The following RAD51B variants were observed in gnomAD, a reference collection of about 807,000 sequenced individuals.
RAD51B encodes the protein RAD51 paralog B, also known as DNA repair protein RAD51 homolog 2.
In RAD51B, 38 loss-of-function variants were observed where a neutral mutation model predicts 42.2. That is an observed-to-expected ratio of 0.90 (90% CI 0.70 to 1.18). The LOEUF (loss-of-function observed/expected upper bound fraction) is 1.18, where lower values mean the gene tolerates loss of function less well. Among genes scored for constraint, RAD51B ranks in the 50% most tolerant of loss-of-function variants. RAD51B has a pLI of 0.00. For synonymous variants in RAD51B, 154 were observed against 145.2 expected, an observed-to-expected ratio of 1.06 and a Z score of -0.43; for missense variants, 373 against 400.7, an observed-to-expected ratio of 0.93 and a Z score of 0.59.
chr14:67,836,632 T>C (rs1160627565), intron 4 of RAD51B, among the ~76,000 whole-genome samples: 1 of 151,932 alleles, frequency 6.6e-6, no homozygotes, highest in African/African-American at 2.4e-5. Context: ...CCTGGCTAAT[T>C]TTTTGTATTT....
chr14:67,932,428 G>C (rs1184321116), intron 7 of RAD51B, among the ~76,000 whole-genome samples: 1 of 152,084 alleles, frequency 6.6e-6, no homozygotes, highest in Non-Finnish European at 1.5e-5. Context: ...CCACTTTTTG[G>C]GCCCTATTGG....
intron 8 of RAD51B, among the ~76,000 whole-genome samples, chr14:68,295,492 C>G (rs1400659974): frequency 6.6e-6 from 1 of 152,156 alleles, no homozygotes; most frequent in Non-Finnish European, 1.5e-5. Flanking sequence ...ATAGACGTCC[C>G]TGCAGCCAGC....
At chr14:67,884,993 C>CT (rs1315942957) in intron 5 of RAD51B, among the ~76,000 whole-genome samples, 5 of 152,106 alleles carry the variant, frequency 3.3e-5, no homozygotes, top group African/African-American at 1.2e-4. Flanking sequence ...TTTTGAGTCT[C>CT]TAAATGGAAA....
chr14:68,158,841 A>G (rs1443276906), intron 7 of RAD51B, among the ~76,000 whole-genome samples: 1 of 152,236 alleles, frequency 6.6e-6, no homozygotes, highest in Non-Finnish European at 1.5e-5. Flanking sequence ...TTGGCCACAT[A>G]GAGGTGCTGG....
chr14:68,237,869 G>A (rs2080295934), intron 7 of RAD51B, among the ~76,000 whole-genome samples: 1 of 151,532 alleles, frequency 6.6e-6, no homozygotes, highest in African/African-American at 2.4e-5. Context: ...CAAGTAGCTG[G>A]GATTACAGGC....
intron 9 of RAD51B, among the ~76,000 whole-genome samples, chr14:68,419,292 A>T (rs1404238036): frequency 1.3e-5 from 2 of 151,984 alleles, no homozygotes; most frequent in Non-Finnish European, 2.9e-5. Context: ...TTTTCACTTT[A>T]CTCTGGTGAC....
intron 7 of RAD51B, among the ~76,000 whole-genome samples, chr14:68,020,105 G>T (rs192751599): frequency 8.5e-5 from 13 of 152,142 alleles, no homozygotes; most frequent in Non-Finnish European, 1.9e-4. Context: ...CTCTAATCCT[G>T]CTTTTCTTTT....
chr14:68,426,914 G>C (rs1439626861), intron 9 of RAD51B, among the ~76,000 whole-genome samples: 1 of 152,134 alleles, frequency 6.6e-6, no homozygotes, highest in Non-Finnish European at 1.5e-5. Context: ...CCATCCACAG[G>C]CTGACTTTCC....
chr14:67,932,064 G>A (rs1369734000), intron 7 of RAD51B, among the ~76,000 whole-genome samples: 3 of 152,132 alleles, frequency 2.0e-5, no homozygotes. Flanking sequence ...GAGTACAATT[G>A]AACATGTCAC....
intron 7 of RAD51B, among the ~76,000 whole-genome samples, chr14:67,934,828 C>T (rs2044878071): frequency 6.6e-6 from 1 of 152,150 alleles, no homozygotes; most frequent in Non-Finnish European, 1.5e-5. Context: ...AATGTCCATA[C>T]GTTGAACGAA....
intron 7 of RAD51B, among the ~76,000 whole-genome samples, chr14:68,120,569 C>T (rs2077631959): frequency 6.6e-6 from 1 of 152,122 alleles, no homozygotes; most frequent in South Asian, 2.1e-4. Context: ...CCCTTGTCCC[C>T]TGCCTTTTTT....
At chr14:68,680,093 C>T (rs934568661) in intron 11 of RAD51B, among the ~76,000 whole-genome samples, 4 of 152,216 alleles carry the variant, frequency 2.6e-5, no homozygotes, top group African/African-American at 9.7e-5. Flanking sequence ...AATATTACCT[C>T]AATATATTAT....
intron 10 of RAD51B, among the ~76,000 whole-genome samples, chr14:68,620,964 TG>T (rs1468128470): frequency 6.6e-6 from 1 of 152,212 alleles, no homozygotes; most frequent in Non-Finnish European, 1.5e-5. Flanking sequence ...CCACTTAGAT[TG>T]CATGTTTATT....
intron 7 of RAD51B, among the ~76,000 whole-genome samples, chr14:68,272,636 TATATATA>T: frequency 2.2e-4 from 2 of 8,974 alleles, no homozygotes; most frequent in African/African-American, 1.4e-3. Flanking sequence ...ATAAACACTT[TATATATA>T]TATATATATA....
At chr14:68,471,311 T>A (rs1369259104) in intron 10 of RAD51B, among the ~76,000 whole-genome samples, 2 of 152,130 alleles carry the variant, frequency 1.3e-5, no homozygotes. Context: ...TAGGGAATGA[T>A]CCCTCAGTGC....
chr14:68,062,924 G>T (rs771088260), intron 7 of RAD51B, among the ~76,000 whole-genome samples: 1 of 149,800 alleles, frequency 6.7e-6, no homozygotes, highest in African/African-American at 2.4e-5. Context: ...TTTATTACTC[G>T]TCATTGGTCT....
intron 10 of RAD51B, among the ~76,000 whole-genome samples, chr14:68,572,771 A>C (rs1889772047): frequency 6.6e-6 from 1 of 152,048 alleles, no homozygotes. Flanking sequence ...GCTGACCTTG[A>C]CTTCCCATCT....
chr14:68,423,460 G>C (rs111549956), intron 9 of RAD51B, among the ~76,000 whole-genome samples: 24,000 of 152,106 alleles, frequency 0.16, 2,509 homozygotes, highest in Non-Finnish European at 0.23. Context: ...TCTGAGGTGG[G>C]TATTACTAGA....
At position 68,608,331 on chromosome 14, in the gene RAD51B, AAG is replaced by A. The variant is rs1018904584; in HGVS notation, c.1037-2672_1037-2671del. 5.3e-5 allele frequency among the ~76,000 whole-genome samples: 8 copies of A among 152,332 alleles called. No homozygotes were observed. The East Asian group carries it at 1.4e-3, about 26-fold the overall frequency. ...AGCTGTGCTGTTGGCTTGTCTCTCT[AAG>A]AGGGGAAGTGCTGAGGGCCTGTCCC... On this transcript the variant is annotated intron_variant, in intron 10 of 10. Coordinates refer to the RAD51B transcript ENST00000487861.
Sources: allele counts gnomAD v4.1 joint callset (sites outside exome capture counted in the v4.1 genomes callset), GRCh38; gene constraint gnomAD v4.1.1; transcripts MANE v1.5; gene names NCBI Gene and HGNC (gene_info 2026-07-23, HGNC 2026-07-21).